The following FRK variants were observed in gnomAD, a reference collection of about 807,000 sequenced individuals.
FRK encodes the protein tyrosine-protein kinase FRK.
A neutral mutation model predicts 56.4 loss-of-function variants in FRK; 51 were observed. The ratio of observed to expected loss-of-function variants is 0.90; its 90% CI spans 0.72 to 1.14. The LOEUF is 1.14. Ranked by LOEUF, FRK falls within the 50% of genes most tolerant of loss-of-function variation. The pLI is 0.00. For missense variants in FRK, 570 were observed against 601.4 expected, an observed-to-expected ratio of 0.95 and a Z score of 0.55; for synonymous variants, 245 against 217.9, an observed-to-expected ratio of 1.12 and a Z score of -1.10.
At chr6:116,009,275 T>C (rs1487496554) in intron 1 of FRK, among the ~76,000 whole-genome samples, 1 of 152,224 alleles carries the variant, frequency 6.6e-6, no homozygotes, top group Non-Finnish European at 1.5e-5. Context: ...ACTTAAAATA[T>C]GCAAGGAGAC....
intron 2 of FRK, among the ~76,000 whole-genome samples, chr6:116,001,444 C>G (rs1775062619): frequency 1.3e-5 from 2 of 152,134 alleles, no homozygotes; most frequent in Non-Finnish European, 2.9e-5. Flanking sequence ...AAGTGGCTAA[C>G]TGGTCCTAAA....
chr6:115,994,526 T>C (rs1292566973), intron 2 of FRK, among the ~76,000 whole-genome samples: 3 of 152,170 alleles, frequency 2.0e-5, no homozygotes, highest in East Asian at 1.9e-4. Flanking sequence ...TCAATCCCTA[T>C]GATTTTGCCA....
chr6:116,091,807 A>T, the FRK span, among the ~76,000 whole-genome samples: 1 of 152,128 alleles, frequency 6.6e-6, no homozygotes, highest in Non-Finnish European at 1.5e-5. Flanking sequence ...GCCTGGAACC[A>T]GCTTCCACTT....
At chr6:116,089,468 T>C in the FRK span, among the ~76,000 whole-genome samples, 1 of 152,166 alleles carries the variant, frequency 6.6e-6, no homozygotes, top group African/African-American at 2.4e-5. Flanking sequence ...ATGCCACAGA[T>C]TGGGTGGCTT....
intron 2 of FRK, among the ~76,000 whole-genome samples, chr6:115,992,333 C>A (rs1774646132): frequency 6.6e-6 from 1 of 151,636 alleles, no homozygotes; most frequent in South Asian, 2.1e-4. Flanking sequence ...TTTTCTGGGT[C>A]TTAAATCACT....
At chr6:115,975,180 A>G (rs1773947885) in intron 2 of FRK, among the ~76,000 whole-genome samples, 2 of 152,326 alleles carry the variant, frequency 1.3e-5, no homozygotes, top group South Asian at 4.1e-4. Context: ...TATAAACACT[A>G]CTAGAGAATA....
At chr6:116,067,119 A>C in the FRK span, among the ~76,000 whole-genome samples, 1 of 152,172 alleles carries the variant, frequency 6.6e-6, no homozygotes, top group Non-Finnish European at 1.5e-5. Context: ...CACAGAAACA[A>C]CACCAAGCAA....
chr6:116,017,857 T>G (rs1029741088), intron 1 of FRK, among the ~76,000 whole-genome samples: 2 of 152,146 alleles, frequency 1.3e-5, no homozygotes, highest in Non-Finnish European at 2.9e-5. Context: ...TGCACCTTTT[T>G]CTCTCCAGTC....
intron 2 of FRK, among the ~76,000 whole-genome samples, chr6:115,973,906 C>T (rs1207174852): frequency 2.0e-5 from 3 of 147,810 alleles, no homozygotes; most frequent in Admixed American, 2.0e-4. Flanking sequence ...AAGTCAAAGA[C>T]AGCTGTAAAC....
chr6:115,991,526 T>C (rs1774605593), intron 2 of FRK, among the ~76,000 whole-genome samples: 1 of 151,860 alleles, frequency 6.6e-6, no homozygotes, highest in African/African-American at 2.4e-5. Context: ...ATTGAGATGG[T>C]TGCATAATTT....
Position 115,940,347 on chromosome 6 carries a change from T to C in FRK, c.*2067A>G, listed in dbSNP as rs771806144. ...ATTAACTCAAGATGGATTAAAGACTTAAATGTAAGACCTAAAACCATAAAA... is the reference window on the plus strand; with the variant it reads ...ATTAACTCAAGATGGATTAAAGACTCAAATGTAAGACCTAAAACCATAAAA... On this transcript the variant is annotated 3_prime_UTR_variant, in exon 8 of 8. Transcript: ENST00000606080. 9 of 152,166 alleles carry C rather than the reference T, an allele frequency of 5.9e-5. No homozygotes were observed. The highest frequency in any genetic ancestry group is 1.2e-4 in the Non-Finnish European group (8 of 68,024). The allele number at this position is 152,166 out of a possible 1,614,324, so 9.4% of individuals were successfully genotyped here.
rs919925718 is a variant in FRK, at chr6:115,994,332, C to G, written c.466+9545G>C. 9.4e-5 allele frequency among the ~76,000 whole-genome samples: 10 copies of G among 106,446 alleles called. 2 individuals are homozygous for G. In the South Asian group the frequency reaches 9.9e-4, roughly 10 times the overall value. The allele number at this position is 106,446 out of a possible 152,430, so 69.8% of individuals were successfully genotyped here. On this transcript the variant is annotated intron_variant, in intron 2 of 7. Transcript: ENST00000606080. ...TCCAGAATCTCACAACCTCCCCCCC[C>G]CCCGCCTTTTTTTTGTCATTATACT...
rs1293222319 is a variant in FRK at position 115,968,728 on chromosome 6, C to A, written c.478G>T (p.Ala160Ser). Residue 160 changes from alanine to serine, a missense_variant, in exon 3 of 8, where the codon GCA becomes TCA. Physicochemically the swap from Ala to Ser is moderately conservative, Grantham distance 99. Transcript: ENST00000606080. ...TTAATTCTGTAGTGTTTTACAACTG[C>A]TCCATCTAAAACTGGAACCCAAAAT... is the stretch of plus-strand genomic sequence containing the variant. ...GEFSLSVLDG[A>S]VVKHYRIKRL... 58 of 1,612,434 alleles carry A rather than the reference C, an allele frequency of 3.6e-5. No homozygotes were observed. Among genetic ancestry groups the A allele is most frequent in the Non-Finnish European group, 4.8e-5 (57 of 1,179,294 alleles).
intron 4 of FRK, among the ~76,000 whole-genome samples, chr6:115,957,128 A>G (rs370460134): frequency 3.3e-5 from 5 of 152,076 alleles, no homozygotes; most frequent in East Asian, 1.9e-4. Flanking sequence ...AACATCCAAG[A>G]CCATCCCCAA....
chr6:115,978,649 A>ATC (rs1461184720), intron 2 of FRK, among the ~76,000 whole-genome samples: 82 of 152,318 alleles, frequency 5.4e-4, no homozygotes, highest in Non-Finnish European at 8.8e-4. Context: ...GCCTGCATAA[A>ATC]TGATGGTGGT....
In FRK at chr6:115,931,408, A is replaced by T. The variant is rs1771956074; in HGVS notation, c.*11006T>A. On this transcript the variant is annotated 3_prime_UTR_variant, in exon 8 of 8. Coordinates refer to ENST00000606080, the MANE Select transcript of FRK (RefSeq NM_002031.3). Reference sequence around the variant, plus strand: ...GAATCTGGGTAAATAATAGCATTATAACAAGTGGTACAATTAAAAGAGGTC... The same window carrying T: ...GAATCTGGGTAAATAATAGCATTATTACAAGTGGTACAATTAAAAGAGGTC... 6.6e-6 allele frequency: 1 copy of T among 152,206 alleles called. No individual in the cohort carries two copies. Among genetic ancestry groups the T allele is most frequent in the Admixed American group, 6.5e-5 (1 of 15,288 alleles). The allele number at this position is 152,206 out of a possible 1,614,324, so 9.4% of individuals were successfully genotyped here.
At chr6:115,947,346 GT>G (rs1772505078) in intron 5 of FRK, among the ~76,000 whole-genome samples, 1 of 123,164 alleles carries the variant, frequency 8.1e-6, no homozygotes, top group Non-Finnish European at 1.8e-5. Flanking sequence ...GTGTGTGTGT[GT>G]GTGTGTACAC....
chr6:115,991,310 G>A (rs1774596599), intron 2 of FRK, among the ~76,000 whole-genome samples: 1 of 151,752 alleles, frequency 6.6e-6, no homozygotes, highest in African/African-American at 2.4e-5. Flanking sequence ...GTACTATATT[G>A]AATAGGAGTG....
At chr6:116,052,845 G>A (rs1562307119) in intron 1 of FRK, among the ~76,000 whole-genome samples, 4 of 152,158 alleles carry the variant, frequency 2.6e-5, no homozygotes, top group Non-Finnish European at 4.4e-5. Context: ...TCAGACTAGA[G>A]TGGGGGTGTA....
Sources: allele counts gnomAD v4.1 joint callset (sites outside exome capture counted in the v4.1 genomes callset), GRCh38; gene constraint gnomAD v4.1.1; transcripts MANE v1.5; gene names NCBI Gene and HGNC (gene_info 2026-07-23, HGNC 2026-07-21).